The following MYRFL variants were observed in gnomAD, a reference collection of about 807,000 sequenced individuals.
MYRFL encodes myelin regulatory factor-like protein.
MYRFL carries 88 observed loss-of-function variants against 109.4 expected under a neutral mutation model. The observed-to-expected ratio is 0.80, with a 90% CI of 0.68 to 0.96. The LOEUF (loss-of-function observed/expected upper bound fraction) is 0.96, where lower values mean the gene tolerates loss of function less well. Among genes scored for constraint, MYRFL ranks in the 40% least tolerant of loss-of-function variants. MYRFL has a pLI of 0.00. For missense variants in MYRFL, 957 were observed against 954.9 expected, an observed-to-expected ratio of 1.00 and a Z score of -0.03; for synonymous variants, 324 against 320.9, an observed-to-expected ratio of 1.01 and a Z score of -0.10.
At chr12:69,860,770 A>G (rs1299413921) in intron 2 of MYRFL, among the ~76,000 whole-genome samples, 1 of 151,622 alleles carries the variant, frequency 6.6e-6, no homozygotes, top group Admixed American at 6.6e-5. Context: ...TTTAAGTTTT[A>G]GGGCACATGT....
chr12:69,872,986 A>G (rs2136329632), intron 2 of MYRFL, among the ~76,000 whole-genome samples: 1 of 152,308 alleles, frequency 6.6e-6, no homozygotes, highest in African/African-American at 2.4e-5. Context: ...AATTATTAGT[A>G]TTGCACAATA....
chr12:69,912,025 G>A (rs1419201701), intron 13 of MYRFL, among the ~76,000 whole-genome samples: 1 of 152,158 alleles, frequency 6.6e-6, no homozygotes, highest in African/African-American at 2.4e-5. Context: ...GAGCAGCAAA[G>A]CAGAGGATGC....
intron 2 of MYRFL, among the ~76,000 whole-genome samples, chr12:69,869,418 C>G (rs1305119061): frequency 6.6e-6 from 1 of 152,126 alleles, no homozygotes; most frequent in African/African-American, 2.4e-5. Context: ...AAGAAAAAGA[C>G]AATGGCAGGT....
chr12:69,928,940 A>G lies in MYRFL; in HGVS notation c.1830+1192A>G, dbSNP rs148456564. Among the ~76,000 whole-genome samples, 348 of 152,334 alleles carry G rather than the reference A, an allele frequency of 2.3e-3. 4 individuals are homozygous for G. Among genetic ancestry groups the G allele is most frequent in the African/African-American group, 8.2e-3 (340 of 41,576 alleles). ...GTCACCTGCAATCTCTGTAGCTCCC[A>G]TCTTGCAAAATAAGAGATTCTCTTT... On this transcript the variant is annotated intron_variant, in intron 15 of 24. Transcript: ENST00000552032.
chr12:69,867,660 G>C (rs572896021), intron 2 of MYRFL, among the ~76,000 whole-genome samples: 1 of 152,144 alleles, frequency 6.6e-6, no homozygotes, highest in Admixed American at 6.5e-5. Context: ...TGGCTTATTG[G>C]GTTTGGGTGG....
chr12:69,891,664 T>TC (rs1886883712), intron 7 of MYRFL, among the ~76,000 whole-genome samples: 1 of 115,494 alleles, frequency 8.7e-6, no homozygotes, highest in Non-Finnish European at 1.8e-5. Context: ...TTTCTTTCTT[T>TC]CTTTCTTTCT....
At chr12:69,881,883 C>CT (rs1475923423) in intron 5 of MYRFL, among the ~76,000 whole-genome samples, 3 of 152,232 alleles carry the variant, frequency 2.0e-5, no homozygotes, top group East Asian at 1.9e-4. Flanking sequence ...TAGCCTGTAG[C>CT]TTTTTTTATG....
Position 69,853,669 on chromosome 12 carries a change from G to A in MYRFL, c.47-1611G>A, listed in dbSNP as rs573491833. Reference sequence around the variant, plus strand: ...CAGAGGGGCTCCTCACATCCCAGACGATGGGCGGCCGGGCAGAGACGATCC... The same window carrying A: ...CAGAGGGGCTCCTCACATCCCAGACAATGGGCGGCCGGGCAGAGACGATCC... On this transcript the variant is annotated intron_variant, in intron 1 of 24. Coordinates refer to ENST00000552032, the MANE Select transcript of MYRFL (RefSeq NM_182530.3). 1.7e-3 allele frequency among the ~76,000 whole-genome samples: 252 copies of A among 146,650 alleles called. 2 individuals are homozygous for A. Among genetic ancestry groups the A allele is most frequent in the African/African-American group, 6.3e-3 (248 of 39,158 alleles).
At chr12:69,916,793 C>T (rs908312934) in intron 13 of MYRFL, among the ~76,000 whole-genome samples, 1 of 145,596 alleles carries the variant, frequency 6.9e-6, no homozygotes, top group Non-Finnish European at 1.5e-5. Flanking sequence ...GACTAAATGA[C>T]TAAATAAGTA....
At chr12:69,933,150 G>A (rs550315457) in intron 16 of MYRFL, among the ~76,000 whole-genome samples, 4 of 152,272 alleles carry the variant, frequency 2.6e-5, no homozygotes, top group Non-Finnish European at 5.9e-5. Flanking sequence ...ATACAGTGAG[G>A]ACAGCAGTAT....
chr12:69,833,432 AT>A lies in MYRFL; in HGVS notation c.46+7870del, dbSNP rs775351932. 7.2e-5 allele frequency among the ~76,000 whole-genome samples: 11 copies of A among 152,354 alleles called. No individual in the cohort carries two copies. In the East Asian group the frequency reaches 7.7e-4, roughly 11 times the overall value. Reference sequence around the variant, plus strand: ...AAAGGATTTCGTGCAGTGGGGAAGGATGTCCAGTCAGTGGGTCGAAGACAGC... The same window carrying A: ...AAAGGATTTCGTGCAGTGGGGAAGGAGTCCAGTCAGTGGGTCGAAGACAGC... On this transcript the variant is annotated intron_variant, in intron 1 of 24. Coordinates refer to ENST00000552032, the MANE Select transcript of MYRFL (RefSeq NM_182530.3).
intron 20 of MYRFL, 72 bp from the exon 21 acceptor site, chr12:69,952,727 T>C (rs1956009879): frequency 9.3e-7 from 1 of 1,072,808 alleles, no homozygotes; most frequent in African/African-American, 1.6e-5. Flanking sequence ...ATTTGAGGAC[T>C]GTGGCTGGAA....
rs1956150955 is a variant in MYRFL at position 69,958,687 on chromosome 12, A to ACAT, written c.*157_*159dup. Reference sequence around the variant, plus strand: ...GGCTTTAGCTTCCAACAGTTTTGAGACATTAATGAGGAGAATAAAATGTTT... The same window carrying ACAT: ...GGCTTTAGCTTCCAACAGTTTTGAGACATCATTAATGAGGAGAATAAAATGTTT... On this transcript the variant is annotated 3_prime_UTR_variant, in exon 25 of 25. Transcript: ENST00000552032. The ACAT allele has an allele frequency of 1.7e-6, 1 of 590,646 alleles. No individual in the cohort carries two copies. Among genetic ancestry groups the ACAT allele is most frequent in the East Asian group, 2.9e-5 (1 of 34,908 alleles). 36.6% of individuals were successfully genotyped at this position (590,646 alleles called of 1,614,324 possible).
At chr12:69,942,298 C>G (rs1430836131) in intron 19 of MYRFL, among the ~76,000 whole-genome samples, 2 of 139,408 alleles carry the variant, frequency 1.4e-5, no homozygotes, top group African/African-American at 5.4e-5. Flanking sequence ...AAAATACTGG[C>G]AAACCGAATC....
At chr12:69,875,797 G>A (rs946676435) in intron 2 of MYRFL, among the ~76,000 whole-genome samples, 2 of 152,156 alleles carry the variant, frequency 1.3e-5, no homozygotes, top group Non-Finnish European at 2.9e-5. Flanking sequence ...CCCCCACTAC[G>A]TCCATCTCTT....
At position 69,890,980 on chromosome 12, in the gene MYRFL, G is replaced by A. The variant is rs1327451187; in HGVS notation, c.717G>A (p.Val239=). The A allele has an allele frequency of 2.0e-6, 3 of 1,519,146 alleles. No homozygotes were observed. In the African/African-American group the frequency reaches 4.2e-5, roughly 21 times the overall value. 94.1% of individuals were successfully genotyped at this position (1,519,146 alleles called of 1,614,324 possible). Residue 239 remains valine, a synonymous_variant, in exon 7 of 25, where the codon GTG becomes GTA. Coordinates refer to ENST00000552032, the MANE Select transcript of MYRFL (RefSeq NM_182530.3). ...GTTTCTCTTTTCATAGACCTGATGTGGGCTATCGAGTTGTAACAGACAAAG... is the reference window on the plus strand; with the variant it reads ...GTTTCTCTTTTCATAGACCTGATGTAGGCTATCGAGTTGTAACAGACAAAG... ...LNSHYEKLPD[V]GYRVVTDKGF... is the part of the protein sequence containing the mutation.
Position 69,936,106 on chromosome 12 carries a change from T to TAAA in MYRFL, c.1917-7_1917-6insAAA. 16 of 1,049,478 alleles carry TAAA rather than the reference T, an allele frequency of 1.5e-5. No individual in the cohort carries two copies. The highest frequency in any genetic ancestry group is 2.0e-5 in the African/African-American group (1 of 50,242). 65.0% of individuals were successfully genotyped at this position (1,049,478 alleles called of 1,614,324 possible). On this transcript the variant is annotated splice_region_variant and splice_polypyrimidine_tract_variant and intron_variant, in intron 16 of 24. Transcript: ENST00000552032. ...TTTTTTTTTTTTTTTTTTTTTTTTTTTGACAGTGCTTTGACGATAGTTGCC... is the reference window on the plus strand; with the variant it reads ...TTTTTTTTTTTTTTTTTTTTTTTTTTAAATGACAGTGCTTTGACGATAGTTGCC...
At chr12:69,951,954 G>C (rs1233691263) in intron 19 of MYRFL, among the ~76,000 whole-genome samples, 159 bp from the exon 20 acceptor site, 1 of 152,184 alleles carries the variant, frequency 6.6e-6, no homozygotes, top group Non-Finnish European at 1.5e-5. Context: ...GAATAAACTA[G>C]ATCTATAAGA....
chr12:69,867,486 T>C (rs771609321), intron 2 of MYRFL, among the ~76,000 whole-genome samples: 2 of 151,918 alleles, frequency 1.3e-5, no homozygotes, highest in Non-Finnish European at 2.9e-5. Context: ...GGTATAAGGG[T>C]AGGAGGGAAC....
Sources: allele counts gnomAD v4.1 joint callset (sites outside exome capture counted in the v4.1 genomes callset), GRCh38; gene constraint gnomAD v4.1.1; transcripts MANE v1.5; gene names NCBI Gene and HGNC (gene_info 2026-07-23, HGNC 2026-07-21).